Variants in UBE3B observed in about 807,000 individuals in gnomAD.
UBE3B encodes the protein ubiquitin-protein ligase E3B.
UBE3B carries 80 observed loss-of-function variants against 132.3 expected under a neutral mutation model. That is an observed-to-expected ratio of 0.60 (90% CI 0.50 to 0.73). The LOEUF is 0.73. UBE3B is among the 30% of genes least tolerant of loss of function. The pLI is 0.00. For missense variants in UBE3B, 1,196 were observed against 1,362.5 expected, an observed-to-expected ratio of 0.88 and a Z score of 1.92; for synonymous variants, 487 against 520.4, an observed-to-expected ratio of 0.94 and a Z score of 0.87.
At chr12:109,483,816 CAAGCTGTTAATTTAA>C in intron 3 of UBE3B, 30 bp from the exon 4 acceptor site, 1 of 1,598,672 alleles carries the variant, frequency 6.3e-7, no homozygotes, top group South Asian at 1.1e-5. Context: ...CCAGGTGCTA[CAAGCTGTTAATTTAA>C]AATGTCTTTT....
chr12:109,510,913 A>G (rs370825252), intron 17 of UBE3B, among the ~76,000 whole-genome samples: 1 of 152,230 alleles, frequency 6.6e-6, no homozygotes, highest in Admixed American at 6.5e-5. Flanking sequence ...CTTTATGGCA[A>G]CTGCTGAAGC....
At chr12:109,546,173 T>C in the UBE3B span, among the ~76,000 whole-genome samples, 2,371 of 152,186 alleles carry the variant, frequency 0.016, 74 homozygotes, top group Admixed American at 0.07. Flanking sequence ...TTAACAGTGA[T>C]GGTGAATGCG....
At chr12:109,546,279 C>T in the UBE3B span, among the ~76,000 whole-genome samples, 1 of 152,160 alleles carries the variant, frequency 6.6e-6, no homozygotes, top group African/African-American at 2.4e-5. Flanking sequence ...CTCATCCCAG[C>T]GAGTGTTCAA....
At chr12:109,486,104 A>G in intron 5 of UBE3B, 33 bp downstream of exon 5, 1 of 1,554,174 alleles carries the variant, frequency 6.4e-7, no homozygotes, top group South Asian at 1.2e-5. Flanking sequence ...GTCTCCCACA[A>G]GCTCTTAAGG....
chr12:109,495,274 G>T (rs1271128321), intron 9 of UBE3B, among the ~76,000 whole-genome samples: 1 of 152,184 alleles, frequency 6.6e-6, no homozygotes, highest in Non-Finnish European at 1.5e-5. Flanking sequence ...TAACACCTCT[G>T]CTCATTGCTA....
At chr12:109,530,761 A>G in intron 26 of UBE3B, 103 bp downstream of exon 26, 1 of 1,137,596 alleles carries the variant, frequency 8.8e-7, no homozygotes, top group Non-Finnish European at 1.3e-6. Context: ...TATCAGGAGG[A>G]CCTCAGATAG....
intron 14 of UBE3B, among the ~76,000 whole-genome samples, chr12:109,505,884 T>A (rs1479841262): frequency 6.6e-6 from 1 of 152,208 alleles, no homozygotes; most frequent in African/African-American, 2.4e-5. Context: ...GAGTGCCCTA[T>A]AAGATGAGAG....
chr12:109,509,830 A>G, intron 16 of UBE3B, 116 bp downstream of exon 16: 11 of 661,990 alleles, frequency 1.7e-5, no homozygotes, highest in Non-Finnish European at 2.6e-5. Flanking sequence ...TAGAAGGTGC[A>G]CATTTATTCC....
chr12:109,478,378 G>A (rs570808236), intron 1 of UBE3B, among the ~76,000 whole-genome samples: 14 of 152,124 alleles, frequency 9.2e-5, no homozygotes, highest in Non-Finnish European at 1.8e-4. Context: ...GATATACATG[G>A]ATTCAGATTC....
chr12:109,529,265 T>G (rs1164461671), intron 24 of UBE3B, among the ~76,000 whole-genome samples: 1 of 152,218 alleles, frequency 6.6e-6, no homozygotes, highest in Non-Finnish European at 1.5e-5. Flanking sequence ...CAGTTGTAGT[T>G]GAGGGCACTG....
At chr12:109,512,630 A>G (rs985999831) in intron 18 of UBE3B, among the ~76,000 whole-genome samples, 1 of 152,156 alleles carries the variant, frequency 6.6e-6, no homozygotes, top group African/African-American at 2.4e-5. Flanking sequence ...AGCATAAATC[A>G]TATTTTTGTA....
rs942708572 is a variant in UBE3B, at chr12:109,521,866, C to G, written c.2364+315C>G. ...TAAGTGGTAGAGGTGGAATTTGAAC[C>G]CAGGCCGGCCCAAGTCCTAAGGCCA... On this transcript the variant is annotated intron_variant, in intron 21 of 27. Coordinates refer to ENST00000342494, the MANE Select transcript of UBE3B (RefSeq NM_130466.4). The surrounding 1 kb of genome is among the most constrained non-coding windows in gnomAD (Gnocchi z 4.2). 2.0e-5 allele frequency among the ~76,000 whole-genome samples: 3 copies of G among 152,168 alleles called. No individual in the cohort carries two copies. Among genetic ancestry groups the G allele is most frequent in the Non-Finnish European group, 4.4e-5 (3 of 68,026 alleles).
chr12:109,519,889 CG>C (rs1226335661), intron 19 of UBE3B: 5 of 151,658 alleles, frequency 3.3e-5, no homozygotes, highest in African/African-American at 1.2e-4. Flanking sequence ...ACCCCTGAAT[CG>C]GGGCACCATA....
intron 9 of UBE3B, 26 bp downstream of exon 9, chr12:109,491,153 G>A: frequency 6.2e-7 from 1 of 1,607,886 alleles, no homozygotes. Flanking sequence ...TAGCTGAGGT[G>A]TTGGCATGTT....
intron 13 of UBE3B, among the ~76,000 whole-genome samples, 187 bp from the exon 14 acceptor site, chr12:109,502,836 G>T (rs1039432271): frequency 6.6e-6 from 1 of 152,202 alleles, no homozygotes; most frequent in African/African-American, 2.4e-5. Flanking sequence ...TCTTTGGGTT[G>T]TACCTAAAAA....
Position 109,486,500 on chromosome 12 carries a change from G to C in UBE3B, c.372G>C (p.Lys124Asn), listed in dbSNP as rs1876453382. Residue 124 changes from lysine (K) to asparagine (N), a missense_variant, in exon 6 of 28, where the codon AAG becomes AAC. Physicochemically the swap from Lys to Asn is moderately conservative, Grantham distance 94. Transcript: ENST00000342494. ...KVWYVSLACS[K>N]DLTLLWIQQI... ...GGTATGTGTCCCTGGCTTGTTCTAA[G>C]GACCTCACCCTCCTTTGGATTCAAC... 1 of 1,594,436 alleles carries C rather than the reference G, an allele frequency of 6.3e-7. No individual in the cohort carries two copies. The highest frequency in any genetic ancestry group is 1.4e-5 in the African/African-American group (1 of 72,360).
At chr12:109,507,857 CAT>C in intron 15 of UBE3B, 122 bp downstream of exon 15, 1 of 1,190,818 alleles carries the variant, frequency 8.4e-7, no homozygotes, top group Non-Finnish European at 1.2e-6. Flanking sequence ...TGTGGCAGGG[CAT>C]TGTAAGAACT....
At chr12:109,501,145 G>C (rs934005191) in intron 12 of UBE3B, among the ~76,000 whole-genome samples, 4 of 152,186 alleles carry the variant, frequency 2.6e-5, no homozygotes, top group African/African-American at 9.7e-5. Context: ...ATGGAGCTTG[G>C]GGACCTGGGG....
chr12:109,491,132 G>T lies in UBE3B; in HGVS notation c.713+5G>T. 6.2e-7 allele frequency: 1 copy of T among 1,613,552 alleles called. No homozygotes were observed. ...AGCTTTTTCTCTAGCGTTACGGTGAGTAAGAAACCATAGCTGAGGTGTTGG... is the reference window on the plus strand; with the variant it reads ...AGCTTTTTCTCTAGCGTTACGGTGATTAAGAAACCATAGCTGAGGTGTTGG... On this transcript the variant is annotated splice_donor_5th_base_variant and intron_variant, in intron 9 of 27. Coordinates refer to ENST00000342494, the MANE Select transcript of UBE3B (RefSeq NM_130466.4).
Sources: gnomAD v4.1 joint callset for allele counts (sites outside exome capture counted in the v4.1 genomes callset) on GRCh38, gnomAD v4.1.1 for gene constraint, Gnocchi (gnomAD v3.1) non-coding constraint, MANE v1.5 for transcripts, NCBI Gene and HGNC (gene_info 2026-07-23, HGNC 2026-07-21) for gene names.